Variants in GINM1 observed in about 807,000 individuals in gnomAD.
The protein encoded by GINM1 is glycosylated integral membrane protein 1.
GINM1 carries 29 observed loss-of-function variants against 37.8 expected under a neutral mutation model. The ratio of observed to expected loss-of-function variants is 0.77; its 90% CI spans 0.57 to 1.05. The LOEUF is 1.05. Among genes scored for constraint, GINM1 ranks in the 50% least tolerant of loss-of-function variants. GINM1 has a pLI of 0.00. For missense variants in GINM1, 377 were observed against 397.9 expected, an observed-to-expected ratio of 0.95 and a Z score of 0.45; for synonymous variants, 143 against 146.2, an observed-to-expected ratio of 0.98 and a Z score of 0.16.
chr6:149,570,190 A>ATATATATATG (rs1777796002), intron 1 of GINM1, among the ~76,000 whole-genome samples: 1 of 92,146 alleles, frequency 1.1e-5, no homozygotes, highest in Non-Finnish European at 2.2e-5. Context: ...ATATATATAT[A>ATATATATATG]TATATATAAA....
rs941112576 is a variant in GINM1 at position 149,566,453 on chromosome 6, C to A, written c.39C>A (p.Leu13=). The A allele has an allele frequency of 6.3e-7, 1 of 1,575,820 alleles. No homozygotes were observed. Among genetic ancestry groups the A allele is most frequent in the South Asian group, 1.1e-5 (1 of 88,094 alleles). Residue 13 remains leucine, a synonymous_variant, in exon 1 of 8, where the codon CTC becomes CTA. Coordinates refer to ENST00000367419, the MANE Select transcript of GINM1 (RefSeq NM_138785.5). This position sits in a 1 kb window ranked among gnomAD's most constrained non-coding sequence, Gnocchi z 4.4. The part of the protein sequence containing the change: ...GAPPGSLALR[L]LLFVALPASG... ...CACCGGGGTCGCTCGCCCTCCGGCT[C>A]CTGCTGTTCGTGGCGCTACCCGCCT... is the stretch of plus-strand genomic sequence containing the variant.
At chr6:149,582,315 G>A in intron 6 of GINM1, 125 bp from the exon 7 acceptor site, 2 of 803,670 alleles carry the variant, frequency 2.5e-6, no homozygotes, top group South Asian at 1.6e-5. Flanking sequence ...AGTCACCCAT[G>A]TAACTACCAG....
intron 7 of GINM1, among the ~76,000 whole-genome samples, chr6:149,587,676 G>GTGTTCAGC (rs1342053390): frequency 6.6e-6 from 1 of 152,168 alleles, no homozygotes; most frequent in East Asian, 1.9e-4. Context: ...ATACCTCTGT[G>GTGTTCAGC]TGTTCAGCTA....
intron 7 of GINM1, among the ~76,000 whole-genome samples, chr6:149,587,651 C>T (rs1200860464): frequency 6.6e-6 from 1 of 152,156 alleles, no homozygotes; most frequent in East Asian, 1.9e-4. Context: ...CTAGGTGCAC[C>T]TCTATCCAGG....
chr6:149,576,208 G>A (rs1777911839), intron 3 of GINM1: 1 of 152,148 alleles, frequency 6.6e-6, no homozygotes, highest in Non-Finnish European at 1.5e-5. Context: ...GTTGGCAGGA[G>A]TCAGTTCCTT....
intron 6 of GINM1, among the ~76,000 whole-genome samples, chr6:149,581,796 T>G (rs966328444): frequency 3.9e-5 from 6 of 151,978 alleles, no homozygotes; most frequent in South Asian, 2.1e-4. Flanking sequence ...ATTAAAGGAG[T>G]AGTAGTTCTC....
At chr6:149,567,344 G>A (rs942469066) in intron 1 of GINM1, among the ~76,000 whole-genome samples, 5 of 152,200 alleles carry the variant, frequency 3.3e-5, no homozygotes, top group African/African-American at 4.8e-5. Context: ...TAAAGAGCAA[G>A]TGTTCTGAGA....
At chr6:149,588,960 A>G (rs1180995314) in intron 7 of GINM1, among the ~76,000 whole-genome samples, 2 of 151,908 alleles carry the variant, frequency 1.3e-5, no homozygotes, top group Non-Finnish European at 2.9e-5. Context: ...GCCCGCCACC[A>G]TGCCTGGCCA....
intron 1 of GINM1, among the ~76,000 whole-genome samples, chr6:149,569,897 A>G (rs972077802): frequency 1.3e-5 from 2 of 151,750 alleles, no homozygotes; most frequent in Non-Finnish European, 2.9e-5. Context: ...TTTTAAGTAT[A>G]TGCAACCCTG....
At position 149,566,968 on chromosome 6, in the gene GINM1, TG is replaced by T. The variant is rs890786651; in HGVS notation, c.120+435del. ...CCAGGCCACTTGTGCCTGCTCGGCC[TG>T]CGATCGCGAGGGTCCGCCGTTCCGA... On this transcript the variant is annotated intron_variant, in intron 1 of 7. Transcript: ENST00000367419. The surrounding 1 kb of genome is among the most constrained non-coding windows in gnomAD (Gnocchi z 4.4). Among the ~76,000 whole-genome samples the T allele has an allele frequency of 4.9e-4, 75 of 152,356 alleles. No individual in the cohort carries two copies. The highest frequency in any genetic ancestry group is 1.3e-3 in the African/African-American group (54 of 41,588).
At chr6:149,572,449 A>G in intron 2 of GINM1, 58 bp from the exon 3 acceptor site, 1 of 1,295,730 alleles carries the variant, frequency 7.7e-7, no homozygotes, top group Middle Eastern at 1.9e-4. Context: ...TTTTGACTTG[A>G]AGAGTTTGCT....
intron 7 of GINM1, among the ~76,000 whole-genome samples, chr6:149,586,409 C>A (rs949862146): frequency 1.3e-5 from 2 of 152,126 alleles, no homozygotes; most frequent in Admixed American, 6.5e-5. Context: ...GTCCTCATGG[C>A]CCAAACACTT....
intron 1 of GINM1, among the ~76,000 whole-genome samples, chr6:149,570,143 TATATATATATATA>T (rs1562269777): frequency 0.011 from 96 of 8,422 alleles, 7 homozygotes; most frequent in African/African-American, 0.015. Context: ...GTTTTATATA[TATATATATATATA>T]TATATATATA....
At chr6:149,568,415 T>C (rs1197818524) in intron 1 of GINM1, among the ~76,000 whole-genome samples, 1 of 152,268 alleles carries the variant, frequency 6.6e-6, no homozygotes, top group Non-Finnish European at 1.5e-5. Context: ...GTCCCACATA[T>C]TGTGTAAGTG....
chr6:149,580,778 C>T (rs1486084178), intron 6 of GINM1, 55 bp downstream of exon 6: 6 of 1,500,826 alleles, frequency 4.0e-6, no homozygotes, highest in South Asian at 2.3e-5. Context: ...TGAAGAAAAT[C>T]GACCCTAGCA....
chr6:149,573,171 T>C lies in GINM1; in HGVS notation c.277+568T>C, dbSNP rs748664282. ...AACCCCATCTCTACTGAAAATGTGG[T>C]GTGTGCGCCTGTAATCCCAGCTACT... On this transcript the variant is annotated intron_variant, in intron 3 of 7. Transcript: ENST00000367419. Among the ~76,000 whole-genome samples, 166 of 151,842 alleles carry C rather than the reference T, an allele frequency of 1.1e-3. 1 individual carries two copies. In the Middle Eastern group the frequency reaches 0.017, roughly 16 times the overall value.
At chr6:149,571,667 G>A (rs893846581) in intron 1 of GINM1, among the ~76,000 whole-genome samples, 6 of 152,100 alleles carry the variant, frequency 3.9e-5, no homozygotes, top group Admixed American at 2.0e-4. Flanking sequence ...TGCCAAGGTA[G>A]GGGTAATATT....
chr6:149,570,474 G>A (rs1777802853), intron 1 of GINM1, among the ~76,000 whole-genome samples: 1 of 151,880 alleles, frequency 6.6e-6, no homozygotes, highest in Non-Finnish European at 1.5e-5. Flanking sequence ...GGAAAAAGCT[G>A]GCTAGTTCTG....
At chr6:149,588,419 T>C (rs778158766) in intron 7 of GINM1, among the ~76,000 whole-genome samples, 66 of 152,212 alleles carry the variant, frequency 4.3e-4, no homozygotes, top group Non-Finnish European at 7.2e-4. Context: ...TTTTGTCTGT[T>C]ATACATATGT....
Sources: gnomAD v4.1 joint callset for allele counts (sites outside exome capture counted in the v4.1 genomes callset) on GRCh38, gnomAD v4.1.1 for gene constraint, Gnocchi (gnomAD v3.1) non-coding constraint, MANE v1.5 for transcripts, NCBI Gene and HGNC (gene_info 2026-07-23, HGNC 2026-07-21) for gene names.